The following COMMD10 variants were observed in gnomAD, a reference collection of about 807,000 sequenced individuals.
COMMD10 encodes COMM domain containing 10.
A neutral mutation model predicts 28.9 loss-of-function variants in COMMD10; 33 were observed. That is an observed-to-expected ratio of 1.14 (90% CI 0.87 to 1.53). COMMD10 has a LOEUF of 1.53. COMMD10 is among the 40% of genes most tolerant of loss of function. The pLI, the probability that COMMD10 is intolerant of heterozygous loss-of-function variation, is 0.00. For synonymous variants in COMMD10, 110 were observed against 81.7 expected (o/e 1.35, Z -1.87); for missense variants, 310 against 233.4 (o/e 1.33, Z -2.14).
At chr5:116,125,923 G>T (rs547195276) in intron 4 of COMMD10, among the ~76,000 whole-genome samples, 2 of 152,206 alleles carry the variant, frequency 1.3e-5, no homozygotes, top group South Asian at 2.1e-4. Flanking sequence ...GGAAGTTCTG[G>T]CCAGGCCAAG....
chr5:116,204,318 A>G (rs1191919286), intron 5 of COMMD10, among the ~76,000 whole-genome samples: 2 of 152,190 alleles, frequency 1.3e-5, no homozygotes. Context: ...TTTCTATTTC[A>G]CTAAATTCCA....
intron 1 of COMMD10, chr5:116,085,395 C>T (rs1232439973): frequency 2.4e-6 from 1 of 415,118 alleles, no homozygotes; most frequent in Non-Finnish European, 4.3e-6. Flanking sequence ...AGTTTGGTAT[C>T]AGAAGTTCCC....
chr5:116,215,685 T>TA (rs1400931089), intron 5 of COMMD10, among the ~76,000 whole-genome samples: 1 of 117,522 alleles, frequency 8.5e-6, no homozygotes, highest in Non-Finnish European at 1.8e-5. Flanking sequence ...GGAGTCCAGC[T>TA]AAAAAAAGAA....
chr5:116,097,042 T>TA (rs1750490543), intron 4 of COMMD10, among the ~76,000 whole-genome samples: 1 of 152,170 alleles, frequency 6.6e-6, no homozygotes, highest in Admixed American at 6.6e-5. Context: ...CTTCTAATAG[T>TA]AAATTACTTT....
chr5:116,259,194 C>G lies in COMMD10; in HGVS notation c.511-32323C>G, dbSNP rs913413103. Among the ~76,000 whole-genome samples the G allele has an allele frequency of 3.4e-4, 52 of 151,192 alleles. 2 individuals are homozygous for G. Among genetic ancestry groups the G allele is most frequent in the African/African-American group, 1.2e-3 (51 of 40,842 alleles). ...TCTCCCACCTCAGCCTCCAGAGTAC[C>G]TGGGATTACAGGTGCACGCCACCAT... is the stretch of plus-strand genomic sequence containing the variant. On this transcript the variant is annotated intron_variant, in intron 5 of 6. Coordinates refer to ENST00000274458, the MANE Select transcript of COMMD10 (RefSeq NM_016144.4).
chr5:116,222,937 C>G (rs907278638), intron 5 of COMMD10, among the ~76,000 whole-genome samples: 2 of 152,114 alleles, frequency 1.3e-5, no homozygotes, highest in African/African-American at 4.8e-5. Context: ...GTGATCCACC[C>G]ACCTCAGCCT....
At chr5:116,291,711 G>A in intron 6 of COMMD10, 135 bp downstream of exon 6, 1 of 535,592 alleles carries the variant, frequency 1.9e-6, no homozygotes, top group Non-Finnish European at 3.3e-6. Context: ...AAGACCTTAT[G>A]TTTCACAGGA....
intron 5 of COMMD10, among the ~76,000 whole-genome samples, chr5:116,280,792 T>G (rs1751047993): frequency 6.6e-6 from 1 of 151,878 alleles, no homozygotes; most frequent in South Asian, 2.1e-4. Context: ...GGAATATGTT[T>G]ACAATCATCT....
At chr5:116,099,887 C>T (rs1005670318) in intron 4 of COMMD10, among the ~76,000 whole-genome samples, 2 of 151,988 alleles carry the variant, frequency 1.3e-5, no homozygotes, top group Admixed American at 6.6e-5. Flanking sequence ...TTGGGTATCA[C>T]GTATCTGAAA....
At chr5:116,169,456 T>C (rs4552664) in intron 5 of COMMD10, among the ~76,000 whole-genome samples, 1,585 of 152,104 alleles carry the variant, frequency 0.01, 26 homozygotes, top group African/African-American at 0.037. Context: ...TTCTGAACAA[T>C]AGAAAAAGAG....
chr5:116,202,405 A>G (rs1199520713), intron 5 of COMMD10, among the ~76,000 whole-genome samples: 1 of 152,022 alleles, frequency 6.6e-6, no homozygotes, highest in African/African-American at 2.4e-5. Flanking sequence ...ATACCCAGTA[A>G]TGGAATGGCT....
At chr5:116,283,706 C>T (rs1227933242) in intron 5 of COMMD10, among the ~76,000 whole-genome samples, 4 of 151,642 alleles carry the variant, frequency 2.6e-5, no homozygotes, top group Admixed American at 6.6e-5. Context: ...ATCAATGTTT[C>T]GTATTAGTCT....
chr5:116,262,623 G>GT (rs1290454933), intron 5 of COMMD10, among the ~76,000 whole-genome samples: 1 of 151,796 alleles, frequency 6.6e-6, no homozygotes, highest in Non-Finnish European at 1.5e-5. Context: ...GAATTATTTT[G>GT]TAAGTGTTGG....
chr5:116,127,273 A>G (rs1751688069), intron 4 of COMMD10, among the ~76,000 whole-genome samples: 2 of 152,314 alleles, frequency 1.3e-5, no homozygotes, highest in South Asian at 2.1e-4. Flanking sequence ...AAGTCAGGAA[A>G]CAACAGGTGC....
chr5:116,270,896 A>G (rs972069368), intron 5 of COMMD10, among the ~76,000 whole-genome samples: 6 of 151,722 alleles, frequency 4.0e-5, no homozygotes, highest in Non-Finnish European at 8.8e-5. Flanking sequence ...CCGAGATCAC[A>G]CCATTACACT....
At chr5:116,085,239 G>C in intron 1 of COMMD10, 146 bp downstream of exon 1, 2 of 694,176 alleles carry the variant, frequency 2.9e-6, no homozygotes, top group South Asian at 3.6e-5. Flanking sequence ...CCGAGGTTGC[G>C]ACGCTGCGTC....
chr5:116,223,846 G>C (rs1749325316), intron 5 of COMMD10, among the ~76,000 whole-genome samples: 2 of 152,234 alleles, frequency 1.3e-5, no homozygotes, highest in African/African-American at 4.8e-5. Context: ...ATTAAAATAA[G>C]GCACTCAACA....
At chr5:116,212,185 A>G (rs1228111996) in intron 5 of COMMD10, among the ~76,000 whole-genome samples, 1 of 152,160 alleles carries the variant, frequency 6.6e-6, no homozygotes, top group African/African-American at 2.4e-5. Flanking sequence ...AACTTAGCGT[A>G]ATATAAATAA....
intron 5 of COMMD10, among the ~76,000 whole-genome samples, chr5:116,156,234 G>A (rs1752704389): frequency 6.6e-6 from 1 of 152,136 alleles, no homozygotes; most frequent in African/African-American, 2.4e-5. Context: ...GCACTGGTAT[G>A]TAGTAAAAAC....
Sources: gnomAD v4.1 joint callset for allele counts (sites outside exome capture counted in the v4.1 genomes callset) on GRCh38, gnomAD v4.1.1 for gene constraint, MANE v1.5 for transcripts, NCBI Gene and HGNC (gene_info 2026-07-23, HGNC 2026-07-21) for gene names.